Variants in EXOC4 observed in about 807,000 individuals in gnomAD.
EXOC4 encodes exocyst complex component 4.
EXOC4 carries 71 observed loss-of-function variants against 107.2 expected under a neutral mutation model. The observed-to-expected ratio is 0.66, with a 90% CI of 0.55 to 0.81. EXOC4 has a LOEUF of 0.81. EXOC4 is among the 30% of genes least tolerant of loss of function. The pLI is 0.00. For missense variants in EXOC4, 1,108 were observed against 1,189.6 expected (o/e 0.93, Z 1.01); for synonymous variants, 456 against 441.2 (o/e 1.03, Z -0.42).
At chr7:133,877,186 G>A (rs929668340) in intron 11 of EXOC4, among the ~76,000 whole-genome samples, 1 of 151,498 alleles carries the variant, frequency 6.6e-6, no homozygotes, top group African/African-American at 2.4e-5. Context: ...TTTCCATTCT[G>A]TTTTTAGACA....
At chr7:133,547,404 G>T (rs148064503) in intron 9 of EXOC4, among the ~76,000 whole-genome samples, 46 of 152,272 alleles carry the variant, frequency 3.0e-4, no homozygotes, top group African/African-American at 1.1e-3. Flanking sequence ...TGATCGGGAT[G>T]GTGGTTGTTG....
intron 1 of EXOC4, among the ~76,000 whole-genome samples, chr7:133,265,919 A>G (rs944303350): frequency 5.3e-5 from 8 of 152,302 alleles, no homozygotes; most frequent in African/African-American, 1.7e-4. Flanking sequence ...TTTGCCAAGA[A>G]TCTGTGTTGC....
At chr7:133,391,559 A>G (rs1796854413) in intron 7 of EXOC4, among the ~76,000 whole-genome samples, 1 of 152,208 alleles carries the variant, frequency 6.6e-6, no homozygotes. Flanking sequence ...TGCTGTGACT[A>G]AGGACTTTAG....
intron 17 of EXOC4, among the ~76,000 whole-genome samples, chr7:134,026,998 T>C (rs949253886): frequency 6.6e-6 from 1 of 152,008 alleles, no homozygotes; most frequent in Non-Finnish European, 1.5e-5. Context: ...TCCAAAAAGA[T>C]TTTTTTTAAC....
chr7:134,082,765 T>C, the EXOC4 span, among the ~76,000 whole-genome samples: 3 of 152,142 alleles, frequency 2.0e-5, no homozygotes, highest in African/African-American at 7.2e-5. Context: ...ATCAGCAAGC[T>C]CTTTATGACT....
chr7:133,333,853 A>G (rs1459820954), intron 5 of EXOC4, among the ~76,000 whole-genome samples: 1 of 152,238 alleles, frequency 6.6e-6, no homozygotes, highest in Non-Finnish European at 1.5e-5. Flanking sequence ...ATCCCAGTAT[A>G]TACATGAAAT....
At chr7:133,665,766 T>C (rs1793797021) in intron 10 of EXOC4, among the ~76,000 whole-genome samples, 1 of 152,198 alleles carries the variant, frequency 6.6e-6, no homozygotes, top group African/African-American at 2.4e-5. Flanking sequence ...ATGACTCTTT[T>C]CTATAAATTC....
intron 17 of EXOC4, among the ~76,000 whole-genome samples, chr7:134,016,072 C>G (rs1308906676): frequency 6.6e-6 from 1 of 151,868 alleles, no homozygotes; most frequent in African/African-American, 2.4e-5. Context: ...AGTGTCTAGC[C>G]AGATCACACT....
chr7:133,440,966 A>T (rs1798090262), intron 7 of EXOC4, among the ~76,000 whole-genome samples: 4 of 146,350 alleles, frequency 2.7e-5, no homozygotes, highest in African/African-American at 1.0e-4. Context: ...ACCCTGAATT[A>T]TTTCTTGTGT....
chr7:133,801,500 A>G (rs1796941894), intron 10 of EXOC4, among the ~76,000 whole-genome samples: 1 of 152,168 alleles, frequency 6.6e-6, no homozygotes, highest in African/African-American at 2.4e-5. Context: ...AAGGCAAATG[A>G]ATGTTAGATG....
chr7:133,640,688 G>A (rs559221138), intron 10 of EXOC4, among the ~76,000 whole-genome samples: 9 of 152,116 alleles, frequency 5.9e-5, no homozygotes, highest in Non-Finnish European at 1.0e-4. Flanking sequence ...AAAAGCTAGC[G>A]GAGCAAAAAT....
At chr7:133,919,215 A>G (rs1799882352) in intron 13 of EXOC4, among the ~76,000 whole-genome samples, 1 of 152,044 alleles carries the variant, frequency 6.6e-6, no homozygotes, top group South Asian at 2.1e-4. Context: ...CCCCACCTTT[A>G]TTTTTTGAAG....
intron 7 of EXOC4, among the ~76,000 whole-genome samples, chr7:133,394,905 A>T (rs990439164): frequency 5.3e-5 from 8 of 151,074 alleles, no homozygotes; most frequent in African/African-American, 1.9e-4. Context: ...AAAGGGGAAA[A>T]TGTAAAAAAG....
the EXOC4 span, among the ~76,000 whole-genome samples, chr7:134,072,234 T>C: frequency 6.6e-6 from 1 of 152,224 alleles, no homozygotes; most frequent in Non-Finnish European, 1.5e-5. Context: ...CTTTTCCTTC[T>C]ATCTATCTTA....
At chr7:134,057,158 A>G (rs1201279498) in intron 17 of EXOC4, among the ~76,000 whole-genome samples, 1 of 152,132 alleles carries the variant, frequency 6.6e-6, no homozygotes, top group Admixed American at 6.5e-5. Flanking sequence ...ATGTGTCACT[A>G]TATATAAAAA....
At chr7:134,053,769 T>C (rs1795856029) in intron 17 of EXOC4, among the ~76,000 whole-genome samples, 1 of 151,854 alleles carries the variant, frequency 6.6e-6, no homozygotes, top group South Asian at 2.1e-4. Flanking sequence ...GAATCTCCTT[T>C]AATCTTCTAT....
Position 133,944,347 on chromosome 7 carries a change from A to G in EXOC4, c.2206+6278A>G, listed in dbSNP as rs150440239. ...CTTGTTTTTTGTGACCTTGAGAGTT[A>G]TAGGAATTCTGGTTGGGTATTTGTA... On this transcript the variant is annotated intron_variant, in intron 14 of 17. Coordinates refer to ENST00000253861, the MANE Select transcript of EXOC4 (RefSeq NM_021807.4). 4.6e-5 allele frequency among the ~76,000 whole-genome samples: 7 copies of G among 152,212 alleles called. No homozygotes were observed. The East Asian group carries it at 1.2e-3, about 25-fold the overall frequency.
the EXOC4 span, among the ~76,000 whole-genome samples, chr7:134,076,705 G>GTA: frequency 0.53 from 77,736 of 146,946 alleles, 20,785 homozygotes; most frequent in East Asian, 0.71. Flanking sequence ...ATCTATAATT[G>GTA]TATATATATA....
chr7:133,261,340 C>T (rs1312551654), intron 1 of EXOC4, among the ~76,000 whole-genome samples: 4 of 150,456 alleles, frequency 2.7e-5, no homozygotes, highest in African/African-American at 7.4e-5. Context: ...GATCTCTGCT[C>T]ACTGCAACCT....
Sources: allele counts gnomAD v4.1 joint callset (sites outside exome capture counted in the v4.1 genomes callset), GRCh38; gene constraint gnomAD v4.1.1; transcripts MANE v1.5; gene names NCBI Gene and HGNC (gene_info 2026-07-23, HGNC 2026-07-21).